Variants in DMXL1 observed in about 807,000 individuals in gnomAD.
DMXL1 encodes the protein dmX-like protein 1.
A neutral mutation model predicts 319.2 loss-of-function variants in DMXL1; 99 were observed. The ratio of observed to expected loss-of-function variants is 0.31; its 90% CI spans 0.26 to 0.37. The LOEUF (loss-of-function observed/expected upper bound fraction) is 0.37, where lower values mean the gene tolerates loss of function less well. Ranked by LOEUF, DMXL1 falls within the 10% of genes least tolerant of loss-of-function variation. The pLI, the probability that DMXL1 is intolerant of heterozygous loss-of-function variation, is 1.00. For synonymous variants in DMXL1, 1,385 were observed against 1,235.2 expected (o/e 1.12, Z -2.54); for missense variants, 3,745 against 3,595.6 (o/e 1.04, Z -1.06).
intron 40 of DMXL1, 118 bp downstream of exon 40, chr5:119,237,532 C>T: frequency 1.7e-6 from 1 of 598,156 alleles, no homozygotes; most frequent in Non-Finnish European, 3.0e-6. Context: ...CCTGTGTTCT[C>T]AGTCACTTTG....
At chr5:119,124,058 C>T (rs1047540991) in intron 9 of DMXL1, among the ~76,000 whole-genome samples, 10 of 151,544 alleles carry the variant, frequency 6.6e-5, no homozygotes, top group African/African-American at 2.4e-4. Flanking sequence ...CCTGTAATCC[C>T]AACACTTTGG....
chr5:119,089,304 T>A lies in DMXL1; in HGVS notation c.88-8675T>A, dbSNP rs1219729185. On this transcript the variant is annotated intron_variant, in intron 1 of 43. Coordinates refer to ENST00000539542, the MANE Select transcript of DMXL1 (RefSeq NM_001290321.3). ...TATATATATATATATTTTTTTTTTTTTTTTTTTTTTTTTTTTTTTGAGACA... is the reference window on the plus strand; with the variant it reads ...TATATATATATATATTTTTTTTTTTATTTTTTTTTTTTTTTTTTTGAGACA... 9.5e-3 allele frequency among the ~76,000 whole-genome samples: 814 copies of A among 85,252 alleles called. 18 individuals carry two copies. Among genetic ancestry groups the A allele is most frequent in the African/African-American group, 0.028 (706 of 25,214 alleles). The allele number at this position is 85,252 out of a possible 152,430, so 55.9% of individuals were successfully genotyped here. A position where few individuals can be genotyped will look rare whatever the true frequency, so the allele number is the denominator to read the frequency against.
At chr5:119,202,946 T>A (rs1781091898) in intron 32 of DMXL1, among the ~76,000 whole-genome samples, 1 of 147,788 alleles carries the variant, frequency 6.8e-6, no homozygotes, top group Non-Finnish European at 1.5e-5. Context: ...TACCTTCAGG[T>A]TATGCATATA....
intron 9 of DMXL1, among the ~76,000 whole-genome samples, chr5:119,122,635 C>T (rs1474544655): frequency 6.7e-6 from 1 of 149,370 alleles, no homozygotes; most frequent in Non-Finnish European, 1.5e-5. Flanking sequence ...ACGGGGCGGC[C>T]GGGCAGAGAC....
At chr5:119,214,040 C>G (rs1389402828) in intron 34 of DMXL1, among the ~76,000 whole-genome samples, 1 of 152,038 alleles carries the variant, frequency 6.6e-6, no homozygotes, top group Non-Finnish European at 1.5e-5. Flanking sequence ...CCTGTCTTTA[C>G]TCTCTCCTTG....
At chr5:119,237,712 TTATA>T in intron 40 of DMXL1, among the ~76,000 whole-genome samples, 3 of 152,148 alleles carry the variant, frequency 2.0e-5, no homozygotes, top group Admixed American at 2.0e-4. Context: ...AAACTGGTTA[TTATA>T]TTATGCCTAA....
chr5:119,121,437 T>A (rs1762031920), intron 9 of DMXL1, among the ~76,000 whole-genome samples: 1 of 152,068 alleles, frequency 6.6e-6, no homozygotes, highest in Admixed American at 6.6e-5. Context: ...GGCCTTCCGC[T>A]GTGTTTGTGT....
intron 28 of DMXL1, chr5:119,178,666 T>C: frequency 1.0e-6 from 1 of 985,228 alleles, no homozygotes; most frequent in Non-Finnish European, 1.2e-6. Flanking sequence ...CCATCAGTTC[T>C]CATAGCCCTC....
intron 1 of DMXL1, chr5:119,081,683 C>T: frequency 2.0e-6 from 2 of 985,264 alleles, no homozygotes; most frequent in Non-Finnish European, 2.4e-6. Flanking sequence ...TAGACTTTAC[C>T]AATTTTAACC....
At chr5:119,108,336 C>T (rs1758809731) in intron 4 of DMXL1, among the ~76,000 whole-genome samples, 1 of 152,214 alleles carries the variant, frequency 6.6e-6, no homozygotes, top group South Asian at 2.1e-4. Flanking sequence ...CGGCCTTCTA[C>T]TTAATTCCCA....
chr5:119,110,216 A>G lies in DMXL1; in HGVS notation c.430A>G (p.Thr144Ala), dbSNP rs1313834202. 1 of 1,588,940 alleles carries G rather than the reference A, an allele frequency of 6.3e-7. No homozygotes were observed. Among genetic ancestry groups the G allele is most frequent in the Non-Finnish European group, 8.5e-7 (1 of 1,173,392 alleles). Residue 144 changes from threonine (T) to alanine (A), a missense_variant, in exon 5 of 44, where the codon ACT (threonine) becomes GCT (alanine). By Grantham distance (58) the Thr-to-Ala change is moderately conservative. Coordinates refer to ENST00000539542, the MANE Select transcript of DMXL1 (RefSeq NM_001290321.3). ...GTCCAATACTAACTTGGAGAAGCCA[A>G]CTGAAGATGAAAATTTAAATAAAAC... ...LWSNTNLEKP[T>A]EDENLNKTDL...
intron 2 of DMXL1, 115 bp from the exon 3 acceptor site, chr5:119,101,820 T>C (rs1380195183): frequency 4.3e-6 from 3 of 690,952 alleles, no homozygotes; most frequent in Non-Finnish European, 7.5e-6. Flanking sequence ...TAAGCATCAG[T>C]GAATGAAATT....
At chr5:119,184,924 G>A (rs1429650124) in intron 28 of DMXL1, among the ~76,000 whole-genome samples, 1 of 151,996 alleles carries the variant, frequency 6.6e-6, no homozygotes, top group East Asian at 1.9e-4. Flanking sequence ...TGGCATTCAG[G>A]GTGATTGAAA....
chr5:119,221,125 T>C, intron 37 of DMXL1, 44 bp downstream of exon 37: 2 of 1,444,174 alleles, frequency 1.4e-6, no homozygotes, highest in Non-Finnish European at 1.9e-6. Flanking sequence ...GTAACTTTTA[T>C]TTTTCCCTCT....
chr5:119,199,986 A>C lies in DMXL1; in HGVS notation c.7745+2030A>C, dbSNP rs1780403251. ...AGATGCTGGATATTAGACCTTTATC[A>C]GGTACATAGAAAGTATTTTCTCCCA... On this transcript the variant is annotated intron_variant, in intron 32 of 43. Transcript: ENST00000539542. 3.3e-5 allele frequency among the ~76,000 whole-genome samples: 5 copies of C among 152,200 alleles called. No homozygotes were observed. In the South Asian group the frequency reaches 1.0e-3, roughly 32 times the overall value.
intron 19 of DMXL1, among the ~76,000 whole-genome samples, chr5:119,156,854 T>A (rs1771197121): frequency 6.6e-6 from 1 of 152,188 alleles, no homozygotes; most frequent in South Asian, 2.1e-4. Context: ...TTTCTCTTTC[T>A]GATAATAGAC....
intron 38 of DMXL1, among the ~76,000 whole-genome samples, chr5:119,231,047 A>G (rs76083343): frequency 0.067 from 10,207 of 152,252 alleles, 897 homozygotes; most frequent in African/African-American, 0.19. Flanking sequence ...GAGACAATTT[A>G]CAGTTCATTT....
rs1470421231 is a variant in DMXL1 at position 119,118,889 on chromosome 5, C to A, written c.818C>A (p.Pro273Gln). Residue 273 changes from proline (P) to glutamine (Q), a missense_variant, in exon 8 of 44, where the codon CCA becomes CAA. Physicochemically the swap from Pro to Gln is moderately conservative, Grantham distance 76. Around this residue, in one of 4 missense-constraint regions of DMXL1, gnomAD observed 2,096 missense variants for 1,985.4 expected, o/e 1.06. Transcript: ENST00000539542. ...CGTCTTTGGGTAGAGACATTTTTAC[C>A]AAATGATTGTTTGCTATACGGAGGT... ...VCRLWVETFLPNDCLLYGGDC... is the reference protein window; with the variant it reads ...VCRLWVETFLQNDCLLYGGDC... 1 of 1,613,766 alleles carries A rather than the reference C, an allele frequency of 6.2e-7. No homozygotes were observed. Among genetic ancestry groups the A allele is most frequent in the Admixed American group, 1.7e-5 (1 of 59,990 alleles).
chr5:119,223,115 G>A (rs908076572), intron 37 of DMXL1, among the ~76,000 whole-genome samples: 1 of 141,672 alleles, frequency 7.1e-6, no homozygotes, highest in African/African-American at 2.6e-5. Flanking sequence ...GCAGTGCAGT[G>A]GTGCAATATT....
Sources: allele counts gnomAD v4.1 joint callset (sites outside exome capture counted in the v4.1 genomes callset), GRCh38; gene constraint gnomAD v4.1.1; regional missense constraint gnomAD v4.1.1; transcripts MANE v1.5; gene names NCBI Gene and HGNC (gene_info 2026-07-23, HGNC 2026-07-21).